Variants in CEP192 observed in about 807,000 individuals in gnomAD.
CEP192 encodes the protein centrosomal protein 192, also known as centrosomal protein of 192 kDa.
CEP192 carries 151 observed loss-of-function variants against 271.8 expected under a neutral mutation model. The ratio of observed to expected loss-of-function variants is 0.56; its 90% CI spans 0.49 to 0.64. The LOEUF (loss-of-function observed/expected upper bound fraction) is 0.64. CEP192 is among the 30% of genes least tolerant of loss of function. CEP192 has a pLI of 0.00. For missense variants in CEP192, 2,910 were observed against 3,020.5 expected (o/e 0.96, Z 0.86); for synonymous variants, 995 against 1,076.5 (o/e 0.92, Z 1.48).
Position 13,056,191 on chromosome 18 carries a change from C to G in CEP192, c.3601C>G (p.Pro1201Ala), listed in dbSNP as rs778494955. ...EPIDEDQRIS[P>A]KDKSTAGREF... is the part of the protein sequence containing the mutation. ...TATAGATGAAGATCAAAGAATAAGT[C>G]CTAAAGATAAGTCAACTGCTGGCCG... is the stretch of plus-strand genomic sequence containing the variant. Residue 1201 changes from proline (P) to alanine (A), a missense_variant, in exon 19 of 45, where the codon CCT becomes GCT. Pro to Ala is a conservative substitution (Grantham distance 27). Transcript: ENST00000506447. 5 of 1,614,032 alleles carry G rather than the reference C, an allele frequency of 3.1e-6. No individual in the cohort carries two copies. The South Asian group carries it at 5.5e-5, about 18-fold the overall frequency.
chr18:13,110,413 A>G (rs941942589), intron 40 of CEP192, among the ~76,000 whole-genome samples: 13 of 151,014 alleles, frequency 8.6e-5, no homozygotes, highest in Admixed American at 4.6e-4. Context: ...AATAAACCCT[A>G]ATATTTATAA....
intron 1 of CEP192, among the ~76,000 whole-genome samples, chr18:12,992,747 A>G (rs1200251541): frequency 1.3e-5 from 2 of 152,180 alleles, no homozygotes; most frequent in African/African-American, 4.8e-5. Context: ...TTGCACCCTT[A>G]GCAAAGCTCT....
intron 32 of CEP192, among the ~76,000 whole-genome samples, chr18:13,088,308 G>A (rs2038988264): frequency 6.6e-6 from 1 of 151,932 alleles, no homozygotes; most frequent in African/African-American, 2.4e-5. Flanking sequence ...AATTTAGTTG[G>A]GTGTGATGGT....
intron 13 of CEP192, among the ~76,000 whole-genome samples, 175 bp downstream of exon 13, chr18:13,038,754 C>A (rs1324997355): frequency 1.3e-5 from 2 of 152,152 alleles, no homozygotes; most frequent in Non-Finnish European, 2.9e-5. Context: ...TGTCTTTTAG[C>A]TAATTCTGGG....
At chr18:13,018,682 A>T in intron 8 of CEP192, 67 bp downstream of exon 8, 2 of 1,119,088 alleles carry the variant, frequency 1.8e-6, no homozygotes, top group South Asian at 1.9e-5. Context: ...TTTAAAAAAA[A>T]AATATTTCTC....
At position 13,017,186 on chromosome 18, in the gene CEP192, A is replaced by G. The variant is rs1329692739; in HGVS notation, c.641-2A>G. 3.2e-5 allele frequency: 49 copies of G among 1,537,028 alleles called. No homozygotes were observed. The highest frequency in any genetic ancestry group is 4.3e-5 in the Non-Finnish European group (49 of 1,142,580). Reference sequence around the variant, plus strand: ...CCTGTTTTTTCTCGATTTTATCAATAGATGATGATATTGATGATGAAATGT... The same window carrying G: ...CCTGTTTTTTCTCGATTTTATCAATGGATGATGATATTGATGATGAAATGT... On this transcript the variant is annotated splice_acceptor_variant, in intron 6 of 44. Transcript: ENST00000506447. LOFTEE classifies it high-confidence loss of function.
chr18:13,108,087 G>C (rs2040040154), intron 40 of CEP192, among the ~76,000 whole-genome samples: 1 of 152,124 alleles, frequency 6.6e-6, no homozygotes. Context: ...TGGAATAGCT[G>C]GCTAACCATA....
At chr18:12,992,874 G>T (rs931675778) in intron 1 of CEP192, among the ~76,000 whole-genome samples, 2 of 152,208 alleles carry the variant, frequency 1.3e-5, no homozygotes, top group African/African-American at 4.8e-5. Context: ...GTTTGTGTTT[G>T]ATAATGAATG....
At chr18:13,018,860 A>G (rs2034817546) in intron 8 of CEP192, among the ~76,000 whole-genome samples, 1 of 152,206 alleles carries the variant, frequency 6.6e-6, no homozygotes, top group African/African-American at 2.4e-5. Context: ...CTATCCAGAC[A>G]TTGATAATTA....
chr18:13,048,013 C>T (rs1372947249), intron 15 of CEP192, among the ~76,000 whole-genome samples: 1 of 152,070 alleles, frequency 6.6e-6, no homozygotes, highest in Non-Finnish European at 1.5e-5. Context: ...CTGTCTTTTT[C>T]ATTAGGATAT....
chr18:13,102,349 C>T (rs533642563), intron 38 of CEP192, among the ~76,000 whole-genome samples: 1 of 152,092 alleles, frequency 6.6e-6, no homozygotes, highest in Admixed American at 6.5e-5. Flanking sequence ...CTGTGGTCCC[C>T]TCTCGCTCCA....
In CEP192 at chr18:13,087,105, G is replaced by A. The variant is rs2038930772; in HGVS notation, c.5705G>A (p.Gly1902Asp). The A allele has an allele frequency of 6.2e-7, 1 of 1,613,764 alleles. No individual in the cohort carries two copies. Among genetic ancestry groups the A allele is most frequent in the African/African-American group, 1.3e-5 (1 of 74,908 alleles). Reference protein sequence around the residue: ...LSDSYMVTVNGLVPGKESKIV... With the variant: ...LSDSYMVTVNDLVPGKESKIV... ...GACAGTTACATGGTAACAGTGAATGGCTTAGTACCTGGCAAAGAAAGTAAA... is the reference window on the plus strand; with the variant it reads ...GACAGTTACATGGTAACAGTGAATGACTTAGTACCTGGCAAAGAAAGTAAA... Residue 1902 changes from glycine (G) to aspartate (D), a missense_variant, in exon 31 of 45, where the codon GGC (glycine) becomes GAC (aspartate). Transcript: ENST00000506447.
At chr18:13,085,065 T>A (rs984093745) in intron 30 of CEP192, among the ~76,000 whole-genome samples, 1 of 152,044 alleles carries the variant, frequency 6.6e-6, no homozygotes, top group South Asian at 2.1e-4. Flanking sequence ...GATCTCGTGA[T>A]CTGCCCACCT....
chr18:13,116,811 G>C (rs1311944560), intron 43 of CEP192, among the ~76,000 whole-genome samples: 2 of 152,038 alleles, frequency 1.3e-5, no homozygotes, highest in African/African-American at 2.4e-5. Flanking sequence ...GGGTTTCACC[G>C]TGTTAGCCAG....
At chr18:13,084,239 T>C (rs1211630008) in intron 30 of CEP192, among the ~76,000 whole-genome samples, 7 of 152,148 alleles carry the variant, frequency 4.6e-5, no homozygotes, top group African/African-American at 1.7e-4. Context: ...GTGGGCTCTA[T>C]AGAGGTTGTA....
chr18:12,994,805 G>A (rs1226205567), intron 1 of CEP192, among the ~76,000 whole-genome samples: 1 of 152,174 alleles, frequency 6.6e-6, no homozygotes, highest in Non-Finnish European at 1.5e-5. Context: ...AGACATTTGA[G>A]TTGAGATCCC....
At chr18:13,006,900 C>T (rs918956931) in intron 3 of CEP192, among the ~76,000 whole-genome samples, 2 of 152,196 alleles carry the variant, frequency 1.3e-5, no homozygotes, top group Admixed American at 6.5e-5. Context: ...CTTCCCTCCC[C>T]GTTGTCAGGT....
chr18:13,049,204 A>T lies in CEP192; in HGVS notation c.2413A>T (p.Met805Leu). 1 of 1,614,070 alleles carries T rather than the reference A, an allele frequency of 6.2e-7. No homozygotes were observed. The highest frequency in any genetic ancestry group is 8.5e-7 in the Non-Finnish European group (1 of 1,180,014). The change falls in exon 16 of 45, where the codon ATG (methionine) becomes TTG (leucine). Residue 805 changes from methionine (M) to leucine (L), a missense_variant. By Grantham distance (15) the Met-to-Leu change is conservative. Coordinates refer to ENST00000506447, the MANE Select transcript of CEP192 (RefSeq NM_032142.4). Reference protein sequence around the residue: ...SALENFSRASMSDTWDLSLPK... With the variant: ...SALENFSRASLSDTWDLSLPK... The stretch of plus-strand genomic sequence containing the variant: ...ATTGGAAAACTTTTCAAGGGCTAGT[A>T]TGTCTGATACTTGGGATTTATCTTT...
chr18:13,101,738 T>A (rs2039715021), intron 38 of CEP192, among the ~76,000 whole-genome samples: 1 of 152,150 alleles, frequency 6.6e-6, no homozygotes, highest in Non-Finnish European at 1.5e-5. Flanking sequence ...AGCCTGGCAC[T>A]TGCTGACTGT....
Sources: allele counts gnomAD v4.1 joint callset (sites outside exome capture counted in the v4.1 genomes callset), GRCh38; gene constraint gnomAD v4.1.1; transcripts MANE v1.5; gene names NCBI Gene and HGNC (gene_info 2026-07-23, HGNC 2026-07-21).